The following RBFOX1 variants were observed in gnomAD, a reference collection of about 807,000 sequenced individuals.
The protein encoded by RBFOX1 is RNA binding fox-1 homolog 1, also known as RNA binding protein fox-1 homolog 1.
RBFOX1 carries 8 observed loss-of-function variants against 57.7 expected under a neutral mutation model. The observed-to-expected ratio is 0.14, with a 90% CI of 0.08 to 0.25. RBFOX1 has a LOEUF of 0.25. Ranked by LOEUF, RBFOX1 falls within the 10% of genes least tolerant of loss-of-function variation. The pLI is 1.00. For missense variants in RBFOX1, 611 were observed against 548.5 expected, an observed-to-expected ratio of 1.11 and a Z score of -1.14; for synonymous variants, 326 against 222.4, an observed-to-expected ratio of 1.47 and a Z score of -4.15.
chr16:6,206,994 T>TG (rs1787981089), intron 1 of RBFOX1, among the ~76,000 whole-genome samples: 1 of 151,600 alleles, frequency 6.6e-6, no homozygotes, highest in South Asian at 2.1e-4. Flanking sequence ...TACTTTTTTT[T>TG]TTTTTCAGGT....
intron 2 of RBFOX1, among the ~76,000 whole-genome samples, chr16:5,495,502 T>C (rs577259368): frequency 5.9e-5 from 9 of 152,182 alleles, no homozygotes; most frequent in Non-Finnish European, 1.2e-4. Context: ...CATGAGATTT[T>C]GGTGGGATCA....
At chr16:6,712,883 GTTTTTTTTT>G (rs61328266) in intron 3 of RBFOX1, among the ~76,000 whole-genome samples, 5 of 83,026 alleles carry the variant, frequency 6.0e-5, no homozygotes, top group East Asian at 4.1e-4. Context: ...TCATGGGGGT[GTTTTTTTTT>G]TTTTTTTTTT....
intron 5 of RBFOX1, among the ~76,000 whole-genome samples, chr16:7,552,469 T>C (rs1005436043): frequency 3.3e-5 from 5 of 152,116 alleles, no homozygotes; most frequent in African/African-American, 1.2e-4. Flanking sequence ...AGTTGCAGAG[T>C]TGAGTCTAAT....
At chr16:6,724,203 C>G (rs77135289) in intron 3 of RBFOX1, among the ~76,000 whole-genome samples, 2 of 143,116 alleles carry the variant, frequency 1.4e-5, no homozygotes, top group Admixed American at 7.1e-5. Flanking sequence ...GAGAAGGCAT[C>G]TTCCATTTTT....
At chr16:6,625,353 G>C (rs931747417) in intron 2 of RBFOX1, among the ~76,000 whole-genome samples, 5 of 152,018 alleles carry the variant, frequency 3.3e-5, no homozygotes, top group African/African-American at 1.2e-4. Flanking sequence ...CTGTAACTCT[G>C]GGTTTGAGAC....
chr16:7,095,340 A>T (rs2061519747), intron 4 of RBFOX1, among the ~76,000 whole-genome samples: 1 of 151,930 alleles, frequency 6.6e-6, no homozygotes, highest in Non-Finnish European at 1.5e-5. Context: ...GTTTCACTAT[A>T]TTGGCCAGGC....
intron 4 of RBFOX1, among the ~76,000 whole-genome samples, chr16:5,888,077 T>G (rs1280262551): frequency 1.3e-5 from 2 of 152,188 alleles, no homozygotes; most frequent in Admixed American, 1.3e-4. Context: ...CAAGATTGTG[T>G]TCCTGCTGGC....
chr16:7,511,656 A>G (rs74862502), intron 4 of RBFOX1, among the ~76,000 whole-genome samples: 2,344 of 152,170 alleles, frequency 0.015, 56 homozygotes, highest in African/African-American at 0.051. Flanking sequence ...ACTTGGTTGC[A>G]TTTTAATAAT....
At chr16:7,365,509 C>G (rs191252608) in intron 4 of RBFOX1, among the ~76,000 whole-genome samples, 1 of 152,268 alleles carries the variant, frequency 6.6e-6, no homozygotes, top group Non-Finnish European at 1.5e-5. Context: ...AGGGAACATT[C>G]GGAAATGTGT....
At chr16:5,443,214 A>G (rs549834715) in intron 1 of RBFOX1, among the ~76,000 whole-genome samples, 1 of 152,300 alleles carries the variant, frequency 6.6e-6, no homozygotes, top group African/African-American at 2.4e-5. Context: ...AGCCGTGCTC[A>G]TTTTAGAGAT....
At chr16:6,106,465 T>C (rs1250612758) in intron 1 of RBFOX1, among the ~76,000 whole-genome samples, 2 of 20,554 alleles carry the variant, frequency 9.7e-5, no homozygotes, top group Admixed American at 4.7e-4. Context: ...AGTATCTGTC[T>C]CAAAAATAAA....
At chr16:6,862,983 T>C (rs887250695) in intron 3 of RBFOX1, among the ~76,000 whole-genome samples, 9 of 138,616 alleles carry the variant, frequency 6.5e-5, no homozygotes, top group African/African-American at 2.4e-4. Flanking sequence ...AGACTCTGTC[T>C]AAAAAAAAAA....
At chr16:6,356,481 T>G (rs1352074121) in intron 2 of RBFOX1, among the ~76,000 whole-genome samples, 1 of 152,214 alleles carries the variant, frequency 6.6e-6, no homozygotes, top group Non-Finnish European at 1.5e-5. Flanking sequence ...ATTTTCCCTC[T>G]GTGGTTTTCC....
chr16:6,246,478 G>A (rs868596986), intron 1 of RBFOX1, among the ~76,000 whole-genome samples: 1 of 152,154 alleles, frequency 6.6e-6, no homozygotes, highest in African/African-American at 2.4e-5. Flanking sequence ...AAGGACTCCA[G>A]TTGGCTTGGC....
chr16:6,315,937 C>A (rs1359010081), intron 1 of RBFOX1, among the ~76,000 whole-genome samples: 1 of 152,104 alleles, frequency 6.6e-6, no homozygotes, highest in African/African-American at 2.4e-5. Context: ...ATCTGTATAT[C>A]TATATATCTA....
chr16:7,359,241 G>C (rs1425360063), intron 4 of RBFOX1, among the ~76,000 whole-genome samples: 1 of 152,198 alleles, frequency 6.6e-6, no homozygotes, highest in African/African-American at 2.4e-5. Context: ...GGACGATTAT[G>C]AGAAGGAAAT....
At chr16:6,891,998 G>T (rs2065547693) in intron 3 of RBFOX1, among the ~76,000 whole-genome samples, 1 of 152,122 alleles carries the variant, frequency 6.6e-6, no homozygotes, top group Non-Finnish European at 1.5e-5. Context: ...CTGATGCACT[G>T]CAAAAAAGAA....
chr16:7,523,594 G>T (rs771174383), intron 5 of RBFOX1, among the ~76,000 whole-genome samples: 1 of 152,152 alleles, frequency 6.6e-6, no homozygotes. Flanking sequence ...ATGTTTGGAT[G>T]GTACACACTC....
At chr16:7,413,904 G>A (rs768987981) in intron 4 of RBFOX1, among the ~76,000 whole-genome samples, 11 of 152,108 alleles carry the variant, frequency 7.2e-5, no homozygotes, top group Non-Finnish European at 1.2e-4. Context: ...ATTTGCATTC[G>A]TTAAGTGCAG....
Sources: allele counts gnomAD v4.1 joint callset (sites outside exome capture counted in the v4.1 genomes callset), GRCh38; gene constraint gnomAD v4.1.1; transcripts MANE v1.5; gene names NCBI Gene and HGNC (gene_info 2026-07-23, HGNC 2026-07-21).